The following KLF8 variants were observed in gnomAD, a reference collection of about 807,000 sequenced individuals.
KLF8 encodes the protein KLF transcription factor 8, also known as Krueppel-like factor 8.
A neutral mutation model predicts 18.2 loss-of-function variants in KLF8; 10 were observed. The observed-to-expected ratio is 0.55, with a 90% CI of 0.34 to 0.93. KLF8 has a LOEUF of 0.93. Among genes scored for constraint, KLF8 ranks in the 40% least tolerant of loss-of-function variants. The probability of loss-of-function intolerance (pLI) is 0.02; values close to 1 mark genes in which losing one functional copy is unlikely to be tolerated. For synonymous variants in KLF8, 109 were observed against 97.3 expected, an observed-to-expected ratio of 1.12 and a Z score of -0.71; for missense variants, 264 against 277.9, an observed-to-expected ratio of 0.95 and a Z score of 0.36.
the KLF8 span, among the ~76,000 whole-genome samples, chrX:56,050,209 A>C: frequency 4.5e-5 from 5 of 111,161 alleles, no homozygotes; most frequent in African/African-American, 6.5e-5. Context: ...TGATCCTTTC[A>C]AAAAACCAGC....
the KLF8 span, among the ~76,000 whole-genome samples, chrX:55,969,220 A>G: frequency 8.9e-6 from 1 of 112,136 alleles, no homozygotes; most frequent in Non-Finnish European, 1.9e-5. Context: ...AATGTGTCTT[A>G]AAACATTTAA....
chrX:55,991,926 C>A, the KLF8 span, among the ~76,000 whole-genome samples: 1 of 111,934 alleles, frequency 8.9e-6, no homozygotes, highest in Non-Finnish European at 1.9e-5. Flanking sequence ...CTGTTCATGT[C>A]TTTTGCTCAT....
the KLF8 span, among the ~76,000 whole-genome samples, chrX:56,207,833 T>C: frequency 9.1e-6 from 1 of 110,393 alleles, no homozygotes; most frequent in Non-Finnish European, 1.9e-5. Flanking sequence ...GTTTACTGTA[T>C]TAGTCTGTTC....
the KLF8 span, chrX:55,961,266 G>A: frequency 5.8e-6 from 2 of 346,870 alleles, no homozygotes; most frequent in Non-Finnish European, 1.1e-5. Flanking sequence ...TTCCACCCAG[G>A]CCTCACCACC....
the KLF8 span, among the ~76,000 whole-genome samples, chrX:56,070,141 T>A: frequency 9.0e-6 from 1 of 111,607 alleles, no homozygotes; most frequent in Admixed American, 9.5e-5. Context: ...CTCAGCAAAC[T>A]AACACAGGAA....
chrX:55,945,873 C>G, the KLF8 span, among the ~76,000 whole-genome samples: 3 of 111,108 alleles, frequency 2.7e-5, no homozygotes, highest in African/African-American at 9.9e-5. Context: ...CATGAGTGAA[C>G]TCCCATTCAC....
At chrX:56,077,892 C>A in the KLF8 span, among the ~76,000 whole-genome samples, 2 of 109,212 alleles carry the variant, frequency 1.8e-5, no homozygotes, top group Non-Finnish European at 3.8e-5. Flanking sequence ...GTATTTTATT[C>A]TCTTTGAAGA....
At chrX:56,199,274 A>G in the KLF8 span, among the ~76,000 whole-genome samples, 2 of 112,256 alleles carry the variant, frequency 1.8e-5, no homozygotes, top group Non-Finnish European at 3.8e-5. Context: ...CTGCACAGCA[A>G]AAGAAACTAC....
chrX:56,263,951 A>G (rs1454384352), intron 2 of KLF8, among the ~76,000 whole-genome samples: 1 of 112,105 alleles, frequency 8.9e-6, no homozygotes, highest in Admixed American at 9.5e-5. Context: ...ACCTTTCCTC[A>G]TCTTCCAAAT....
At chrX:55,942,333 C>G in the KLF8 span, among the ~76,000 whole-genome samples, 2 of 107,912 alleles carry the variant, frequency 1.9e-5, no homozygotes, top group Non-Finnish European at 3.8e-5. Context: ...CGCATGGACA[C>G]AAGAAGGGGA....
chrX:55,953,716 T>C, the KLF8 span, among the ~76,000 whole-genome samples: 1 of 111,022 alleles, frequency 9.0e-6, no homozygotes, highest in Admixed American at 9.6e-5. Context: ...AACAATTTAA[T>C]GGGATAAAGA....
the KLF8 span, among the ~76,000 whole-genome samples, chrX:56,164,847 A>T: frequency 1.1e-5 from 1 of 87,459 alleles, no homozygotes; most frequent in Admixed American, 1.3e-4. Context: ...GGTGCGCTGC[A>T]CCCACTAACG....
At chrX:56,060,427 C>A in the KLF8 span, among the ~76,000 whole-genome samples, 1 of 111,900 alleles carries the variant, frequency 8.9e-6, no homozygotes, top group South Asian at 3.7e-4. Context: ...GCCTTTTCTG[C>A]ATCTATTGAG....
chrX:56,070,798 A>T, the KLF8 span, among the ~76,000 whole-genome samples: 1 of 112,840 alleles, frequency 8.9e-6, no homozygotes, highest in South Asian at 3.6e-4. Context: ...ATAAAAAAAG[A>T]ACATGTGGTG....
chrX:55,968,707 T>G, the KLF8 span, among the ~76,000 whole-genome samples: 1 of 112,030 alleles, frequency 8.9e-6, no homozygotes, highest in Non-Finnish European at 1.9e-5. Flanking sequence ...CCTGCTGTGA[T>G]GTAAGATGTT....
chrX:56,105,807 T>C, the KLF8 span, among the ~76,000 whole-genome samples: 4 of 112,064 alleles, frequency 3.6e-5, no homozygotes, highest in African/African-American at 1.3e-4. Context: ...CATTTCTTCA[T>C]AGCATCAATG....
the KLF8 span, among the ~76,000 whole-genome samples, chrX:56,056,568 A>T: frequency 1.1e-5 from 1 of 94,810 alleles, no homozygotes; most frequent in Admixed American, 1.2e-4. Flanking sequence ...CAAACACCGC[A>T]TATTCTCACT....
chrX:56,141,552 T>C, the KLF8 span, among the ~76,000 whole-genome samples: 1 of 111,893 alleles, frequency 8.9e-6, no homozygotes, highest in Non-Finnish European at 1.9e-5. Context: ...TATATGTGTC[T>C]ATTTTTGAAA....
At chrX:55,971,435 C>A in the KLF8 span, among the ~76,000 whole-genome samples, 5 of 111,093 alleles carry the variant, frequency 4.5e-5, no homozygotes, top group Admixed American at 3.8e-4. Flanking sequence ...CGACTTAAAT[C>A]TAAGACCTCA....
Sources: allele counts gnomAD v4.1 joint callset (sites outside exome capture counted in the v4.1 genomes callset), GRCh38; gene constraint gnomAD v4.1.1; transcripts MANE v1.5; gene names NCBI Gene and HGNC (gene_info 2026-07-23, HGNC 2026-07-21).